Variants in ITGA1 observed in about 807,000 individuals in gnomAD.
The protein encoded by ITGA1 is integrin alpha-1.
ITGA1 carries 85 observed loss-of-function variants against 145.9 expected under a neutral mutation model. That is an observed-to-expected ratio of 0.58 (90% CI 0.49 to 0.70). The LOEUF (loss-of-function observed/expected upper bound fraction) is 0.70, where lower values mean the gene tolerates loss of function less well. Ranked by LOEUF, ITGA1 falls within the 30% of genes least tolerant of loss-of-function variation. ITGA1 has a pLI of 0.00. For missense variants in ITGA1, 1,351 were observed against 1,418.7 expected (o/e 0.95, Z 0.77); for synonymous variants, 520 against 495.3 (o/e 1.05, Z -0.66).
chr5:52,879,036 A>T (rs1643987315), intron 6 of ITGA1, among the ~76,000 whole-genome samples: 1 of 152,156 alleles, frequency 6.6e-6, no homozygotes, highest in African/African-American at 2.4e-5. Context: ...TAGTGAAATG[A>T]GCCAAAGTTA....
At chr5:52,806,727 CAT>C (rs966363198) in intron 1 of ITGA1, among the ~76,000 whole-genome samples, 4 of 151,978 alleles carry the variant, frequency 2.6e-5, no homozygotes, top group African/African-American at 4.8e-5. Context: ...TTTTCAGTAA[CAT>C]GTTATTATAT....
In ITGA1 at chr5:52,925,374, T is replaced by A. The variant is rs1488002548; in HGVS notation, c.2500T>A (p.Ser834Thr). 16 of 1,614,082 alleles carry A rather than the reference T, an allele frequency of 9.9e-6. No homozygotes were observed. The highest frequency in any genetic ancestry group is 1.4e-5 in the Non-Finnish European group (16 of 1,179,926). Reference sequence around the variant, plus strand: ...TGAAAAGGACCTGCTGATTGTCCGATCCCAGAATGATAAGTTCAACGTTAG... The same window carrying A: ...TGAAAAGGACCTGCTGATTGTCCGAACCCAGAATGATAAGTTCAACGTTAG... ...TTEKDLLIVRSQNDKFNVSLT... is the reference protein window; with the variant it reads ...TTEKDLLIVRTQNDKFNVSLT... Residue 834 changes from serine to threonine, a missense_variant, in exon 19 of 29, where the codon TCC (serine) becomes ACC (threonine). By Grantham distance (58) the Ser-to-Thr change is moderately conservative (BLOSUM62 1). Coordinates refer to ENST00000282588, the MANE Select transcript of ITGA1 (RefSeq NM_181501.2).
intron 11 of ITGA1, chr5:52,904,717 G>T (rs1224988629): frequency 1.3e-5 from 2 of 152,298 alleles, no homozygotes; most frequent in Admixed American, 6.5e-5. Flanking sequence ...GCCAGGCGTG[G>T]TGGCGGGCGC....
chr5:52,839,507 T>C (rs1267158821), intron 1 of ITGA1, among the ~76,000 whole-genome samples: 3 of 152,194 alleles, frequency 2.0e-5, no homozygotes, highest in Non-Finnish European at 2.9e-5. Flanking sequence ...TGTCATTGGT[T>C]CAATCTCAGG....
intron 1 of ITGA1, among the ~76,000 whole-genome samples, chr5:52,827,406 A>G (rs1288631101): frequency 6.6e-6 from 1 of 152,210 alleles, no homozygotes; most frequent in Admixed American, 6.5e-5. Context: ...TGCTGTCAAC[A>G]TTGTTAAAAT....
intron 1 of ITGA1, among the ~76,000 whole-genome samples, chr5:52,841,330 G>T (rs1381440883): frequency 1.3e-5 from 2 of 152,076 alleles, no homozygotes; most frequent in African/African-American, 4.8e-5. Flanking sequence ...TTTCCAAATG[G>T]TTGTGTTGCT....
Position 52,955,276 on chromosome 5 carries a change from G to A in ITGA1, c.*2825G>A, listed in dbSNP as rs1751285933. 1 of 152,072 alleles carries A rather than the reference G, an allele frequency of 6.6e-6. No homozygotes were observed. The highest frequency in any genetic ancestry group is 2.4e-5 in the African/African-American group (1 of 41,400). The allele number at this position is 152,072 out of a possible 1,614,324, so 9.4% of individuals were successfully genotyped here. On this transcript the variant is annotated 3_prime_UTR_variant, in exon 29 of 29. Coordinates refer to ENST00000282588, the MANE Select transcript of ITGA1 (RefSeq NM_181501.2). ...ATCAGCTTACAAAATTCCTGGAAAT[G>A]TATCTGCCACCTCTTACCAACCAGT...
At chr5:52,922,320 CAAACA>C (rs1750743422) in intron 17 of ITGA1, among the ~76,000 whole-genome samples, 1 of 151,850 alleles carries the variant, frequency 6.6e-6, no homozygotes, top group African/African-American at 2.4e-5. Flanking sequence ...AACAAACAAA[CAAACA>C]AACAAAAACT....
At chr5:52,860,266 G>C (rs546008304) in intron 2 of ITGA1, among the ~76,000 whole-genome samples, 14 of 152,276 alleles carry the variant, frequency 9.2e-5, no homozygotes, top group African/African-American at 3.4e-4. Flanking sequence ...GTTGTCATCT[G>C]GCTGGGCGTG....
At position 52,954,194 on chromosome 5, in the gene ITGA1, G is replaced by A. The variant is rs954965448; in HGVS notation, c.*1743G>A. Reference sequence around the variant, plus strand: ...TTCATTTTCGCTATTTCCAGGTTCAGAAATCATACCTACCACTTGTTCTTT... The same window carrying A: ...TTCATTTTCGCTATTTCCAGGTTCAAAAATCATACCTACCACTTGTTCTTT... On this transcript the variant is annotated 3_prime_UTR_variant, in exon 29 of 29. Transcript: ENST00000282588. The A allele has an allele frequency of 2.6e-5, 4 of 152,152 alleles. No individual in the cohort carries two copies. Among genetic ancestry groups the A allele is most frequent in the Non-Finnish European group, 4.4e-5 (3 of 68,034 alleles). The allele number at this position is 152,152 out of a possible 1,614,324, so 9.4% of individuals were successfully genotyped here. A position where few individuals can be genotyped will look rare whatever the true frequency, so the allele number is the denominator to read the frequency against.
At position 52,956,684 on chromosome 5, in the gene ITGA1, T is replaced by C. The variant is rs1751310514; in HGVS notation, c.*4233T>C. 6.6e-6 allele frequency: 1 copy of C among 152,224 alleles called. No individual in the cohort carries two copies. The highest frequency in any genetic ancestry group is 2.4e-5 in the African/African-American group (1 of 41,444). The allele number at this position is 152,224 out of a possible 1,614,324, so 9.4% of individuals were successfully genotyped here. A position where few individuals can be genotyped will look rare whatever the true frequency, so the allele number is the denominator to read the frequency against. On this transcript the variant is annotated 3_prime_UTR_variant, in exon 29 of 29. Transcript: ENST00000282588. ...ACTACGCCTGGGGAAGCTAGCAGGA[T>C]TTAGCTCTTCAATGGCCCTCCAAAT...
At chr5:52,858,670 T>G (rs1749553608) in intron 2 of ITGA1, among the ~76,000 whole-genome samples, 1 of 152,196 alleles carries the variant, frequency 6.6e-6, no homozygotes, top group Non-Finnish European at 1.5e-5. Context: ...ATTTTACAAC[T>G]GAAAATATTA....
intron 6 of ITGA1, among the ~76,000 whole-genome samples, chr5:52,876,946 G>T (rs139107765): frequency 6.6e-6 from 1 of 152,152 alleles, no homozygotes; most frequent in Non-Finnish European, 1.5e-5. Context: ...ACAAAGAAGT[G>T]CATTTGGTAG....
chr5:52,817,086 T>C (rs1375875259), intron 1 of ITGA1, among the ~76,000 whole-genome samples: 2 of 152,246 alleles, frequency 1.3e-5, no homozygotes, highest in African/African-American at 2.4e-5. Flanking sequence ...CTTTCAATGC[T>C]ATCCACTAAG....
Position 52,905,914 on chromosome 5 carries a change from CT to C in ITGA1, c.1455+8del. The stretch of plus-strand genomic sequence containing the variant: ...AGACGCTCAGTGGAGAACAGGTAAA[CT>C]TGAAAAATATTCTTTTATTTAAATT... On this transcript the variant is annotated splice_region_variant and intron_variant, in intron 12 of 28. Transcript: ENST00000282588. 1 of 1,606,998 alleles carries C rather than the reference CT, an allele frequency of 6.2e-7. No homozygotes were observed. The highest frequency in any genetic ancestry group is 8.5e-7 in the Non-Finnish European group (1 of 1,175,780).
At chr5:52,884,433 G>A (rs1427012001) in intron 7 of ITGA1, among the ~76,000 whole-genome samples, 2 of 136,662 alleles carry the variant, frequency 1.5e-5, no homozygotes, top group Non-Finnish European at 3.1e-5. Context: ...GGCAACAAGA[G>A]CAAAACTCTG....
chr5:52,861,336 A>G lies in ITGA1; in HGVS notation c.183-111A>G, dbSNP rs1042070628. The G allele has an allele frequency of 1.3e-5, 9 of 670,356 alleles. No homozygotes were observed. In the Admixed American group the frequency reaches 2.2e-4, roughly 17 times the overall value. The allele number at this position is 670,356 out of a possible 1,614,324, so 41.5% of individuals were successfully genotyped here. A position where few individuals can be genotyped will look rare whatever the true frequency, so the allele number is the denominator to read the frequency against. On this transcript the variant is annotated intron_variant, in intron 2 of 28. Coordinates refer to ENST00000282588, the MANE Select transcript of ITGA1 (RefSeq NM_181501.2). ...ACATTAAATTACTAATAGCATGATT[A>G]TTATCTGATTATGAGTGTTATTGTC...
chr5:52,858,106 C>T (rs1016214965), intron 2 of ITGA1, among the ~76,000 whole-genome samples: 1 of 152,190 alleles, frequency 6.6e-6, no homozygotes, highest in African/African-American at 2.4e-5. Flanking sequence ...GAATCCATAT[C>T]TTGTCATTTG....
chr5:52,922,193 C>T (rs1260009288), intron 17 of ITGA1, among the ~76,000 whole-genome samples: 4 of 116,112 alleles, frequency 3.4e-5, no homozygotes, highest in Non-Finnish European at 8.3e-5. Flanking sequence ...CCCAGCTAGT[C>T]GGGAGGCTGA....
Sources: gnomAD v4.1 joint callset for allele counts (sites outside exome capture counted in the v4.1 genomes callset) on GRCh38, gnomAD v4.1.1 for gene constraint, MANE v1.5 for transcripts, NCBI Gene and HGNC (gene_info 2026-07-23, HGNC 2026-07-21) for gene names.